The following ST7 variants were observed in gnomAD, a reference collection of about 807,000 sequenced individuals.
The protein encoded by ST7 is suppressor of tumorigenicity 7 protein.
In ST7, 28 loss-of-function variants were observed where a neutral mutation model predicts 78.7. The observed-to-expected ratio is 0.36, with a 90% CI of 0.26 to 0.49. The LOEUF (loss-of-function observed/expected upper bound fraction) is 0.49. Ranked by LOEUF, ST7 falls within the 20% of genes least tolerant of loss-of-function variation. ST7 has a pLI of 0.99. For synonymous variants in ST7, 247 were observed against 249.6 expected, an observed-to-expected ratio of 0.99 and a Z score of 0.10; for missense variants, 418 against 696.0, an observed-to-expected ratio of 0.60 and a Z score of 4.49.
chr7:117,197,115 A>G (rs1810392378), intron 12 of ST7, among the ~76,000 whole-genome samples: 2 of 152,094 alleles, frequency 1.3e-5, no homozygotes, highest in Non-Finnish European at 2.9e-5. Flanking sequence ...GCTCATTGTA[A>G]TCTCAAACTC....
rs1202182495 is a variant in ST7 at position 117,190,480 on chromosome 7, C to T, written c.1152-354C>T. Among the ~76,000 whole-genome samples the T allele has an allele frequency of 6.6e-6, 1 of 152,200 alleles. No individual in the cohort carries two copies. Among genetic ancestry groups the T allele is most frequent in the Non-Finnish European group, 1.5e-5 (1 of 68,030 alleles). On this transcript the variant is annotated intron_variant, in intron 11 of 15. Coordinates refer to ENST00000323984, the MANE Select transcript of ST7 (RefSeq NM_001369598.1). This position sits in a 1 kb window ranked among gnomAD's most constrained non-coding sequence, Gnocchi z 5.2. ...CCAGTTCTGTTTTTAACCAAGTGCG[C>T]TCTTCTGTAACCTAGTTTTCTCTTT... is the stretch of plus-strand genomic sequence containing the variant.
chr7:117,004,639 C>T (rs536048565), intron 1 of ST7, among the ~76,000 whole-genome samples: 22 of 151,912 alleles, frequency 1.4e-4, no homozygotes, highest in African/African-American at 4.3e-4. Flanking sequence ...CCAGCCTGGA[C>T]GACAGAGCAA....
At chr7:117,102,773 A>G (rs1211895055) in intron 2 of ST7, among the ~76,000 whole-genome samples, 1 of 152,118 alleles carries the variant, frequency 6.6e-6, no homozygotes, top group Non-Finnish European at 1.5e-5. Flanking sequence ...GAAAACCATG[A>G]AAAAGGAAGA....
At chr7:117,185,904 CAG>C (rs1563150695) in intron 10 of ST7, among the ~76,000 whole-genome samples, 1 of 152,058 alleles carries the variant, frequency 6.6e-6, no homozygotes, top group Non-Finnish European at 1.5e-5. Flanking sequence ...GCCTGGGCGA[CAG>C]AGCGAGACTC....
chr7:116,983,582 C>G (rs1397825390), intron 1 of ST7, among the ~76,000 whole-genome samples: 1 of 152,160 alleles, frequency 6.6e-6, no homozygotes, highest in South Asian at 2.1e-4. Flanking sequence ...ACACCACATG[C>G]AGCCTGCCCC....
chr7:116,955,042 A>G, intron 1 of ST7: 1 of 453,140 alleles, frequency 2.2e-6, no homozygotes. Flanking sequence ...CACCATTTGA[A>G]TAGGTGCTGC....
chr7:117,030,009 C>A lies in ST7; in HGVS notation c.152-69753C>A, dbSNP rs866187339. 6.6e-5 allele frequency among the ~76,000 whole-genome samples: 10 copies of A among 152,032 alleles called. 1 individual carries two copies. The South Asian group carries it at 1.5e-3, about 22-fold the overall frequency. On this transcript the variant is annotated intron_variant, in intron 1 of 15. Coordinates refer to ENST00000323984, the MANE Select transcript of ST7 (RefSeq NM_001369598.1). ...CAAAATTCTTTTGGCTATATTTGATCCTTTCATATCCCTATGCATTTTTAA... is the reference window on the plus strand; with the variant it reads ...CAAAATTCTTTTGGCTATATTTGATACTTTCATATCCCTATGCATTTTTAA...
rs528751293 is a variant in ST7 at position 117,219,441 on chromosome 7, A to C, written c.1498+265A>C. On this transcript the variant is annotated intron_variant, in intron 14 of 15. Transcript: ENST00000323984. This position sits in a 1 kb window ranked among gnomAD's most constrained non-coding sequence, Gnocchi z 5.1. ...GAAACCCTATGTACTGATTGGCCTG[A>C]GCACAGAGACCCCTGGTTTGGGCTG... 6.6e-6 allele frequency among the ~76,000 whole-genome samples: 1 copy of C among 152,322 alleles called. No individual in the cohort carries two copies. Among genetic ancestry groups the C allele is most frequent in the African/African-American group, 2.4e-5 (1 of 41,584 alleles).
intron 10 of ST7, among the ~76,000 whole-genome samples, chr7:117,171,689 A>C (rs1002535022): frequency 6.6e-6 from 1 of 151,866 alleles, no homozygotes; most frequent in Non-Finnish European, 1.5e-5. Flanking sequence ...ATTGGACAAA[A>C]ATTGTCCACA....
intron 9 of ST7, chr7:117,145,990 A>AT (rs1391637048): frequency 1.3e-5 from 2 of 152,060 alleles, no homozygotes; most frequent in Admixed American, 1.3e-4. Context: ...TCCTTTCTGC[A>AT]TTTTCATCAT....
chr7:117,179,903 A>T (rs1423005241), intron 10 of ST7, among the ~76,000 whole-genome samples: 2 of 152,170 alleles, frequency 1.3e-5, no homozygotes, highest in African/African-American at 4.8e-5. Context: ...GGAAGAGTGG[A>T]GTGCCACTGC....
chr7:116,977,848 C>T (rs749506445), intron 1 of ST7, among the ~76,000 whole-genome samples: 14 of 152,320 alleles, frequency 9.2e-5, no homozygotes, highest in Admixed American at 3.3e-4. Flanking sequence ...CCACCGCGCC[C>T]GGCCGAGTGG....
At chr7:117,110,327 A>T (rs1358532360) in intron 2 of ST7, among the ~76,000 whole-genome samples, 1 of 152,190 alleles carries the variant, frequency 6.6e-6, no homozygotes, top group Non-Finnish European at 1.5e-5. Context: ...TTGTTTATAC[A>T]TTCCTCCTCT....
chr7:116,953,680 A>G lies in ST7; in HGVS notation c.140A>G (p.Asn47Ser). ...CGGGTGCCTTTGAAAATCAACGACA[A>G]CTTGAGCACAGGTAAGGCCTGGGAG... ...ILRVPLKINDNLSTVSMFLNT... is the reference protein window; with the variant it reads ...ILRVPLKINDSLSTVSMFLNT... The change falls in exon 1 of 16, where the codon AAC becomes AGC. Residue 47 changes from asparagine to serine, a missense_variant. By Grantham distance (46) the Asn-to-Ser change is conservative (BLOSUM62 1). This residue lies in a region of ST7 where 71 missense variants were observed against 61.5 expected (regional missense o/e 1.16). Coordinates refer to ENST00000323984, the MANE Select transcript of ST7 (RefSeq NM_001369598.1). 1 of 1,485,554 alleles carries G rather than the reference A, an allele frequency of 6.7e-7. No individual in the cohort carries two copies. Among genetic ancestry groups the G allele is most frequent in the Non-Finnish European group, 9.1e-7 (1 of 1,102,772 alleles). The allele number at this position is 1,485,554 out of a possible 1,614,324, so 92.0% of individuals were successfully genotyped here.
At chr7:116,966,031 T>G in intron 1 of ST7, 1 of 440,998 alleles carries the variant, frequency 2.3e-6, no homozygotes, top group South Asian at 1.7e-5. Context: ...ACCTGGCCAT[T>G]GGTTCATACC....
intron 1 of ST7, among the ~76,000 whole-genome samples, chr7:116,991,527 A>G (rs1794427187): frequency 6.6e-6 from 1 of 152,160 alleles, no homozygotes; most frequent in South Asian, 2.1e-4. Flanking sequence ...GTTCACTACC[A>G]AGAGAACAAT....
At chr7:117,000,900 A>G (rs949520723) in intron 1 of ST7, among the ~76,000 whole-genome samples, 10 of 152,164 alleles carry the variant, frequency 6.6e-5, no homozygotes, top group African/African-American at 2.2e-4. Context: ...AAATTCCAGA[A>G]CTCAAAGAAT....
intron 1 of ST7, among the ~76,000 whole-genome samples, chr7:116,981,028 T>C (rs998093328): frequency 6.6e-6 from 1 of 152,232 alleles, no homozygotes; most frequent in Non-Finnish European, 1.5e-5. Context: ...TCCTTAACTT[T>C]AGTGACCTTG....
At chr7:117,075,683 C>A (rs1026594667) in intron 1 of ST7, among the ~76,000 whole-genome samples, 2 of 152,156 alleles carry the variant, frequency 1.3e-5, no homozygotes, top group Non-Finnish European at 2.9e-5. Context: ...CATCTCCCTG[C>A]CTTTAGAGTT....
Sources: gnomAD v4.1 joint callset for allele counts (sites outside exome capture counted in the v4.1 genomes callset) on GRCh38, gnomAD v4.1.1 for gene constraint, gnomAD v4.1.1 regional missense constraint, Gnocchi (gnomAD v3.1) non-coding constraint, MANE v1.5 for transcripts, NCBI Gene and HGNC (gene_info 2026-07-23, HGNC 2026-07-21) for gene names.